Variants in DRC9 observed in about 807,000 individuals in gnomAD.
DRC9 encodes dynein regulatory complex protein 9.
At chr3:197,904,335 A>G in the DRC9 span, among the ~76,000 whole-genome samples, 1 of 152,090 alleles carries the variant, frequency 6.6e-6, no homozygotes, top group Non-Finnish European at 1.5e-5. Flanking sequence ...CTGGTACGGT[A>G]TTGGTTGGTG....
At chr3:197,956,012 ATGCTG>A in the DRC9 span, 1 of 513,870 alleles carries the variant, frequency 1.9e-6, no homozygotes, top group Non-Finnish European at 3.5e-6. Context: ...TCTGTTGCCC[ATGCTG>A]GAGTGTAGTG....
the DRC9 span, among the ~76,000 whole-genome samples, chr3:197,928,788 C>A: frequency 6.6e-6 from 1 of 152,030 alleles, no homozygotes; most frequent in Non-Finnish European, 1.5e-5. Flanking sequence ...ATAAAGCAGA[C>A]AAGAGAAAAA....
At chr3:197,928,497 G>GC in the DRC9 span, among the ~76,000 whole-genome samples, 1 of 151,810 alleles carries the variant, frequency 6.6e-6, no homozygotes, top group Non-Finnish European at 1.5e-5. Flanking sequence ...CTACAGGTGC[G>GC]CATCACCATG....
chr3:197,925,951 A>G, the DRC9 span: 1 of 829,200 alleles, frequency 1.2e-6, no homozygotes, highest in African/African-American at 1.7e-5. Flanking sequence ...TCTCTGCTTG[A>G]GAAAGATGGC....
chr3:197,939,923 T>C, the DRC9 span, among the ~76,000 whole-genome samples: 1 of 152,172 alleles, frequency 6.6e-6, no homozygotes, highest in Admixed American at 6.6e-5. Flanking sequence ...CCTGATTTAC[T>C]GATTACTAGA....
chr3:197,941,814 G>C, the DRC9 span, among the ~76,000 whole-genome samples: 1 of 151,708 alleles, frequency 6.6e-6, no homozygotes, highest in Non-Finnish European at 1.5e-5. Context: ...CTCCCACCTT[G>C]GCCTCCCAAA....
the DRC9 span, among the ~76,000 whole-genome samples, chr3:197,907,667 T>C: frequency 1.3e-5 from 2 of 152,414 alleles, no homozygotes; most frequent in East Asian, 3.8e-4. Context: ...ACCCTAGTTA[T>C]GGATCCAGTG....
the DRC9 span, chr3:197,913,949 C>T: frequency 5.0e-6 from 8 of 1,613,896 alleles, no homozygotes; most frequent in African/African-American, 2.7e-5. Flanking sequence ...ATCTGCAGCT[C>T]GGTATTGGTT....
the DRC9 span, among the ~76,000 whole-genome samples, chr3:197,930,028 C>CA: frequency 6.6e-6 from 1 of 151,740 alleles, no homozygotes; most frequent in Non-Finnish European, 1.5e-5. Context: ...ACAACTTAAA[C>CA]AAAAAAAGAC....
At chr3:197,924,901 C>A in the DRC9 span, among the ~76,000 whole-genome samples, 1 of 152,184 alleles carries the variant, frequency 6.6e-6, no homozygotes, top group Admixed American at 6.6e-5. Flanking sequence ...AGGTTGTAGC[C>A]CCAACTTTGT....
At chr3:197,915,240 T>A in the DRC9 span, among the ~76,000 whole-genome samples, 3 of 129,802 alleles carry the variant, frequency 2.3e-5, no homozygotes, top group Non-Finnish European at 4.7e-5. Context: ...AAGGGAACTC[T>A]AAAAAAAAAA....
chr3:197,922,142 C>A, the DRC9 span, among the ~76,000 whole-genome samples: 1 of 152,200 alleles, frequency 6.6e-6, no homozygotes, highest in African/African-American at 2.4e-5. Flanking sequence ...TTAAGACCCA[C>A]TACGAAGCAG....
the DRC9 span, chr3:197,938,561 T>G: frequency 1.9e-6 from 3 of 1,611,690 alleles, no homozygotes; most frequent in Non-Finnish European, 2.5e-6. Context: ...TCAATCTGAA[T>G]TTTCTTCAGT....
the DRC9 span, among the ~76,000 whole-genome samples, chr3:197,954,758 T>C: frequency 1.2e-4 from 19 of 152,202 alleles, no homozygotes; most frequent in Admixed American, 4.6e-4. Flanking sequence ...TCTGCCCACC[T>C]TGGCCTCCCA....
At chr3:197,954,096 C>T in the DRC9 span, 1 of 1,614,152 alleles carries the variant, frequency 6.2e-7, no homozygotes, top group Non-Finnish European at 8.5e-7. Flanking sequence ...TGGTTCGTGC[C>T]AAATTCCGAA....
the DRC9 span, among the ~76,000 whole-genome samples, chr3:197,910,149 T>C: frequency 6.6e-6 from 1 of 151,944 alleles, no homozygotes; most frequent in Admixed American, 6.6e-5. Context: ...CTGTCTGAAA[T>C]TGTAGCTGGA....
At chr3:197,921,964 G>A in the DRC9 span, among the ~76,000 whole-genome samples, 1 of 113,638 alleles carries the variant, frequency 8.8e-6, no homozygotes, top group Admixed American at 7.7e-5. Context: ...TGGTTGACCT[G>A]ACTACTGGTT....
chr3:197,889,722 A>G, the DRC9 span: 1 of 1,614,124 alleles, frequency 6.2e-7, no homozygotes, highest in Admixed American at 1.7e-5. Context: ...GAGCTGGAAG[A>G]GAAAAGGGGA....
chr3:197,913,936 G>C, the DRC9 span: 2 of 1,614,062 alleles, frequency 1.2e-6, no homozygotes, highest in Non-Finnish European at 1.7e-6. Context: ...CTGGGTCTGG[G>C]CAATCTGCAG....
Sources: allele counts gnomAD v4.1 joint callset (sites outside exome capture counted in the v4.1 genomes callset), GRCh38; gene constraint gnomAD v4.1.1; transcripts MANE v1.5; gene names NCBI Gene and HGNC (gene_info 2026-07-23, HGNC 2026-07-21).